C19orf67: variants seen among roughly 807,000 people sequenced by gnomAD.
C19orf67 encodes UPF0575 protein C19orf67.
Under a neutral mutation model 41.4 loss-of-function variants are expected in C19orf67, and 28 were observed. That is an observed-to-expected ratio of 0.68 (90% CI 0.50 to 0.93). The LOEUF (loss-of-function observed/expected upper bound fraction) is 0.93, where lower values mean the gene tolerates loss of function less well. Among genes scored for constraint, C19orf67 ranks in the 40% least tolerant of loss-of-function variants. The pLI is 0.00. For missense variants in C19orf67, 421 were observed against 467.0 expected, an observed-to-expected ratio of 0.90 and a Z score of 0.91; for synonymous variants, 242 against 203.4, an observed-to-expected ratio of 1.19 and a Z score of -1.62.
chr19:14,083,728 C>T lies in C19orf67; in HGVS notation c.480+5G>A, dbSNP rs746688856. On this transcript the variant is annotated splice_donor_5th_base_variant and intron_variant, in intron 2 of 5. Transcript: ENST00000548523. ...GGGCGTGGGGTCTAAGAAACCTCCACACACCCCCTTTCGGACCAGCTCCTG... is the reference window on the plus strand; with the variant it reads ...GGGCGTGGGGTCTAAGAAACCTCCATACACCCCCTTTCGGACCAGCTCCTG... 6.9e-7 allele frequency: 1 copy of T among 1,459,096 alleles called. No homozygotes were observed. Among genetic ancestry groups the T allele is most frequent in the Non-Finnish European group, 9.0e-7 (1 of 1,106,292 alleles). 90.4% of individuals were successfully genotyped at this position (1,459,096 alleles called of 1,614,324 possible). A position where few individuals can be genotyped will look rare whatever the true frequency, so the allele number is the denominator to read the frequency against.
In C19orf67 at chr19:14,085,368, A is replaced by G; in HGVS notation, c.260T>C (p.Leu87Ser). 3 of 1,536,216 alleles carry G rather than the reference A, an allele frequency of 2.0e-6. No individual in the cohort carries two copies. The highest frequency in any genetic ancestry group is 2.6e-6 in the Non-Finnish European group (3 of 1,146,932). The change falls in exon 1 of 6, where the codon TTG (leucine) becomes TCG (serine). Residue 87 changes from leucine to serine, a missense_variant. Physicochemically the swap from Leu to Ser is moderately radical, Grantham distance 145. Coordinates refer to ENST00000548523, the MANE Select transcript of C19orf67 (RefSeq NM_001277378.2). The part of the protein sequence containing the change: ...PAPPRLSLDT[L>S]FSPITQQLRY... ...CAGCTGTTGGGTGATGGGGCTGAACAAAGTGTCCAGGGATAGGCGGGGAGG... is the reference window on the plus strand; with the variant it reads ...CAGCTGTTGGGTGATGGGGCTGAACGAAGTGTCCAGGGATAGGCGGGGAGG...
chr19:14,084,550 C>T (rs114125074), intron 1 of C19orf67, among the ~76,000 whole-genome samples: 4,514 of 151,478 alleles, frequency 0.03, 239 homozygotes, highest in African/African-American at 0.1. Context: ...AACCCAGCCT[C>T]GGGTAGGCGC....
At position 14,085,669 on chromosome 19, in the gene C19orf67, G is replaced by T. The variant is rs1263798854; in HGVS notation, c.-42C>A. On this transcript the variant is annotated 5_prime_UTR_variant, in exon 1 of 6. Transcript: ENST00000548523. ...GGGAACCTGAGCTCTTTAAGCTTCC[G>T]CTGCTGCTCAGGTTGGCCGCGGGTT... The T allele has an allele frequency of 7.0e-7, 1 of 1,427,866 alleles. No individual in the cohort carries two copies. The highest frequency in any genetic ancestry group is 2.0e-5 in the Admixed American group (1 of 49,832). 88.4% of individuals were successfully genotyped at this position (1,427,866 alleles called of 1,614,324 possible). A position where few individuals can be genotyped will look rare whatever the true frequency, so the allele number is the denominator to read the frequency against.
chr19:14,083,814 C>G lies in C19orf67; in HGVS notation c.399G>C (p.Glu133Asp), dbSNP rs1346476353. 9 of 1,415,124 alleles carry G rather than the reference C, an allele frequency of 6.4e-6. No homozygotes were observed. Among genetic ancestry groups the G allele is most frequent in the Non-Finnish European group, 8.3e-6 (9 of 1,085,814 alleles). 87.7% of individuals were successfully genotyped at this position (1,415,124 alleles called of 1,614,324 possible). The change falls in exon 2 of 6, where the codon GAG (glutamate) becomes GAC (aspartate). Residue 133 changes from glutamate to aspartate, a missense_variant. Physicochemically the swap from Glu to Asp is conservative, Grantham distance 45. This residue lies in a region of C19orf67 where 253 missense variants were observed against 307.0 expected (regional missense o/e 0.82). Transcript: ENST00000548523. ...CTGCCTCCAGGTACAGGAAGTAGGG[C>G]TCACACATCTGTAAGAAGGTGGGCA... ...KAMPTFLQMCEPYFLYLEAAA... is the reference protein window; with the variant it reads ...KAMPTFLQMCDPYFLYLEAAA...
chr19:14,085,273 G>A lies in C19orf67; in HGVS notation c.335+20C>T, dbSNP rs569320453. ...CAAGTCTCCTTACCCATGGGGACCT[G>A]GGACCCTGTCCAGCATCACCTGTAG... On this transcript the variant is annotated intron_variant, in intron 1 of 5. Coordinates refer to ENST00000548523, the MANE Select transcript of C19orf67 (RefSeq NM_001277378.2). 10 of 1,533,302 alleles carry A rather than the reference G, an allele frequency of 6.5e-6. No homozygotes were observed. The highest frequency in any genetic ancestry group is 2.0e-5 in the Admixed American group (1 of 50,978). The allele number at this position is 1,533,302 out of a possible 1,614,324, so 95.0% of individuals were successfully genotyped here.
intron 4 of C19orf67, among the ~76,000 whole-genome samples, chr19:14,082,886 C>T (rs1311475095): frequency 2.0e-5 from 3 of 151,406 alleles, no homozygotes; most frequent in African/African-American, 7.3e-5. Flanking sequence ...ATTGCTTCCA[C>T]TCAGGGTGGA....
At position 14,083,390 on chromosome 19, in the gene C19orf67, A is replaced by T. The variant is rs1976800144; in HGVS notation, c.614T>A (p.Ile205Asn). The T allele has an allele frequency of 6.5e-7, 1 of 1,532,712 alleles. No homozygotes were observed. The highest frequency in any genetic ancestry group is 2.0e-5 in the Admixed American group (1 of 50,752). 94.9% of individuals were successfully genotyped at this position (1,532,712 alleles called of 1,614,324 possible). The change falls in exon 4 of 6, where the codon ATC becomes AAC. Residue 205 changes from isoleucine (I) to asparagine (N), a missense_variant. Around this residue, in one of 3 missense-constraint regions of C19orf67, gnomAD observed 253 missense variants for 307.0 expected, o/e 0.82. Transcript: ENST00000548523. ...GATGGAGACCTCATGGGACAGGCTG[A>T]TGGAGAACCTCCCGCAAAAGAAACA... ...ISCFFCGRFS[I>N]SLSHEVSIFR...
In C19orf67 at chr19:14,083,399, C is replaced by G; in HGVS notation, c.605G>C (p.Arg202Thr). 2 of 1,531,478 alleles carry G rather than the reference C, an allele frequency of 1.3e-6. No homozygotes were observed. The highest frequency in any genetic ancestry group is 1.7e-6 in the Non-Finnish European group (2 of 1,143,582). The allele number at this position is 1,531,478 out of a possible 1,614,324, so 94.9% of individuals were successfully genotyped here. The change falls in exon 4 of 6, where the codon AGG becomes ACG. Residue 202 changes from arginine to threonine, a missense_variant. Arg to Thr is a moderately conservative substitution (Grantham distance 71). Transcript: ENST00000548523. ...CTCATGGGACAGGCTGATGGAGAAC[C>G]TCCCGCAAAAGAAACAGGAGATGCT... ...PLSISCFFCG[R>T]FSISLSHEVS...
chr19:14,083,444 G>GA, intron 3 of C19orf67, 22 bp from the exon 4 acceptor site: 1 of 1,530,920 alleles, frequency 6.5e-7, no homozygotes, highest in Admixed American at 2.0e-5. Flanking sequence ...TGAGAGAATG[G>GA]AGGGGTGAGG....
chr19:14,085,001 C>T (rs924108212), intron 1 of C19orf67, among the ~76,000 whole-genome samples: 6 of 152,144 alleles, frequency 3.9e-5, no homozygotes, highest in Non-Finnish European at 8.8e-5. Flanking sequence ...CTTGTTTAGC[C>T]AGCACAGGGC....
chr19:14,082,759 A>C (rs530740656), intron 4 of C19orf67, among the ~76,000 whole-genome samples, 156 bp from the exon 5 acceptor site: 1 of 152,008 alleles, frequency 6.6e-6, no homozygotes, highest in Non-Finnish European at 1.5e-5. Flanking sequence ...CTGCCAGCCT[A>C]CTTTTAAGAT....
Position 14,085,644 on chromosome 19 carries a change from G to A in C19orf67, c.-17C>T. The A allele has an allele frequency of 6.6e-7, 1 of 1,508,020 alleles. No homozygotes were observed. The highest frequency in any genetic ancestry group is 8.9e-7 in the Non-Finnish European group (1 of 1,123,470). The allele number at this position is 1,508,020 out of a possible 1,614,324, so 93.4% of individuals were successfully genotyped here. The stretch of plus-strand genomic sequence containing the variant: ...TGTAGCCATGGTAGGGCCGGGGGGC[G>A]GGAACCTGAGCTCTTTAAGCTTCCG... On this transcript the variant is annotated 5_prime_UTR_variant, in exon 1 of 6. Transcript: ENST00000548523.
chr19:14,083,784 C>T lies in C19orf67; in HGVS notation c.429G>A (p.Ala143=), dbSNP rs1289274566. ...EPYFLYLEAA[A]RSIPPIYGPL... Reference sequence around the variant, plus strand: ...GTCCATAGATGGGGGGTATGCTTCTCGCGGCTGCCTCCAGGTACAGGAAGT... The same window carrying T: ...GTCCATAGATGGGGGGTATGCTTCTTGCGGCTGCCTCCAGGTACAGGAAGT... Residue 143 remains alanine (A), a synonymous_variant, in exon 2 of 6, where the codon GCG becomes GCA. Coordinates refer to ENST00000548523, the MANE Select transcript of C19orf67 (RefSeq NM_001277378.2). The T allele has an allele frequency of 4.2e-6, 6 of 1,421,942 alleles. No individual in the cohort carries two copies. Among genetic ancestry groups the T allele is most frequent in the Non-Finnish European group, 5.5e-6 (6 of 1,089,418 alleles). The allele number at this position is 1,421,942 out of a possible 1,614,324, so 88.1% of individuals were successfully genotyped here.
rs1491158749 is a variant in C19orf67 at position 14,081,625 on chromosome 19, CCT to C, written c.*207_*208del. On this transcript the variant is annotated 3_prime_UTR_variant, in exon 6 of 6. Transcript: ENST00000548523. ...TTCGCAGCGGACGCTGAGCCTGTGA[CCT>C]CTTTCTTTCTTTTATTTAACACAAA... The C allele has an allele frequency of 1.2e-5, 5 of 421,514 alleles. No homozygotes were observed. The highest frequency in any genetic ancestry group is 8.2e-5 in the African/African-American group (4 of 48,626). 26.1% of individuals were successfully genotyped at this position (421,514 alleles called of 1,614,324 possible). A position where few individuals can be genotyped will look rare whatever the true frequency, so the allele number is the denominator to read the frequency against.
At chr19:14,084,362 C>T (rs963225517) in intron 1 of C19orf67, among the ~76,000 whole-genome samples, 9 of 151,368 alleles carry the variant, frequency 5.9e-5, no homozygotes, top group Non-Finnish European at 1.2e-4. Context: ...TGCACTCCAG[C>T]TTGGGTGACA....
Position 14,083,617 on chromosome 19 carries a change from A to AG in C19orf67, c.481-13dup, listed in dbSNP as rs1221509640. 1.3e-6 allele frequency: 2 copies of AG among 1,535,054 alleles called. No homozygotes were observed. The highest frequency in any genetic ancestry group is 2.0e-5 in the Admixed American group (1 of 50,942). On this transcript the variant is annotated splice_polypyrimidine_tract_variant and intron_variant, in intron 2 of 5. Coordinates refer to ENST00000548523, the MANE Select transcript of C19orf67 (RefSeq NM_001277378.2). ...GAGATCTCTAACAGCTGCATACAAG[A>AG]GGGGGGTACAGTGAGATCAGCTGGC...
Position 14,085,656 on chromosome 19 carries a change from T to A in C19orf67, c.-29A>T. The A allele has an allele frequency of 3.4e-6, 5 of 1,453,260 alleles. No homozygotes were observed. Among genetic ancestry groups the A allele is most frequent in the Non-Finnish European group, 4.7e-6 (5 of 1,074,522 alleles). The allele number at this position is 1,453,260 out of a possible 1,614,324, so 90.0% of individuals were successfully genotyped here. Reference sequence around the variant, plus strand: ...AGGGCCGGGGGGCGGGAACCTGAGCTCTTTAAGCTTCCGCTGCTGCTCAGG... The same window carrying A: ...AGGGCCGGGGGGCGGGAACCTGAGCACTTTAAGCTTCCGCTGCTGCTCAGG... On this transcript the variant is annotated 5_prime_UTR_variant, in exon 1 of 6. Coordinates refer to ENST00000548523, the MANE Select transcript of C19orf67 (RefSeq NM_001277378.2).
In C19orf67 at chr19:14,085,764, G is replaced by A. The variant is rs1599323297; in HGVS notation, c.-137C>T. 1.5e-6 allele frequency: 1 copy of A among 649,478 alleles called. No individual in the cohort carries two copies. Among genetic ancestry groups the A allele is most frequent in the East Asian group, 2.8e-5 (1 of 36,260 alleles). The allele number at this position is 649,478 out of a possible 1,614,324, so 40.2% of individuals were successfully genotyped here. Reference sequence around the variant, plus strand: ...TCCACCGGAGCCGCGCCGCCGCGCCGGGGGCCGTTCGCCTCTTTTGAATTT... The same window carrying A: ...TCCACCGGAGCCGCGCCGCCGCGCCAGGGGCCGTTCGCCTCTTTTGAATTT... On this transcript the variant is annotated 5_prime_UTR_variant, in exon 1 of 6. Transcript: ENST00000548523.
Position 14,085,591 on chromosome 19 carries a change from G to A in C19orf67, c.37C>T (p.Leu13=). The A allele has an allele frequency of 6.5e-7, 1 of 1,535,152 alleles. No individual in the cohort carries two copies. The highest frequency in any genetic ancestry group is 8.7e-7 in the Non-Finnish European group (1 of 1,146,550). The stretch of plus-strand genomic sequence containing the variant: ...GGAGGCGGTGTTTCTCCAGGGTCCA[G>A]GGGGAGCGACCCCTCGAACCACTGC... ...TEQWFEGSLP[L]DPGETPPPDA... The change falls in exon 1 of 6, where the codon CTG becomes TTG. Residue 13 remains leucine (L), a synonymous_variant. Transcript: ENST00000548523.
Sources: allele counts gnomAD v4.1 joint callset (sites outside exome capture counted in the v4.1 genomes callset), GRCh38; gene constraint gnomAD v4.1.1; regional missense constraint gnomAD v4.1.1; transcripts MANE v1.5; gene names NCBI Gene and HGNC (gene_info 2026-07-23, HGNC 2026-07-21).